TBX5: variants seen among roughly 807,000 people sequenced by gnomAD.
TBX5 encodes the protein T-box transcription factor TBX5.
A neutral mutation model predicts 51.1 loss-of-function variants in TBX5; 8 were observed. That is an observed-to-expected ratio of 0.16 (90% CI 0.09 to 0.28). The LOEUF (loss-of-function observed/expected upper bound fraction) is 0.28. TBX5 is among the 10% of genes least tolerant of loss of function. TBX5 has a pLI of 1.00. For missense variants in TBX5, 589 were observed against 671.7 expected, an observed-to-expected ratio of 0.88 and a Z score of 1.36; for synonymous variants, 302 against 266.4, an observed-to-expected ratio of 1.13 and a Z score of -1.30.
intron 8 of TBX5, among the ~76,000 whole-genome samples, chr12:114,357,214 G>C (rs977090241): frequency 6.6e-6 from 1 of 152,144 alleles, no homozygotes; most frequent in African/African-American, 2.4e-5. Context: ...TCCTAGTGTA[G>C]GGAAGTGGAG....
chr12:114,384,247 A>G lies in TBX5; in HGVS notation c.755+1229T>C, dbSNP rs1870668246. Among the ~76,000 whole-genome samples the G allele has an allele frequency of 2.7e-5, 4 of 148,092 alleles. No individual in the cohort carries two copies. In the South Asian group the frequency reaches 8.9e-4, roughly 33 times the overall value. The stretch of plus-strand genomic sequence containing the variant: ...ATGTACCACACTCCTTGTTTTTTTA[A>G]TGTTTGGAAACAGGGTCATTCTCTT... On this transcript the variant is annotated intron_variant, in intron 7 of 8. Transcript: ENST00000405440.
At chr12:114,367,517 G>C (rs1384602482) in intron 7 of TBX5, among the ~76,000 whole-genome samples, 1 of 152,162 alleles carries the variant, frequency 6.6e-6, no homozygotes, top group Non-Finnish European at 1.5e-5. Context: ...TTTCATACCA[G>C]GTGTTCCCAT....
chr12:114,394,480 GCCCATC>G (rs1871313660), intron 6 of TBX5, among the ~76,000 whole-genome samples: 1 of 152,158 alleles, frequency 6.6e-6, no homozygotes, highest in African/African-American at 2.4e-5. Context: ...TGAGTGTGTG[GCCCATC>G]TATGGTTTGA....
At chr12:114,394,048 T>G (rs963536901) in intron 6 of TBX5, among the ~76,000 whole-genome samples, 3 of 152,232 alleles carry the variant, frequency 2.0e-5, no homozygotes, top group African/African-American at 4.8e-5. Context: ...GGCTCATGCC[T>G]GTAATACCAA....
intron 8 of TBX5, among the ~76,000 whole-genome samples, chr12:114,356,990 C>CGATGGATGGATGGATGGATGGATG (rs60572224): frequency 7.0e-6 from 1 of 143,202 alleles, no homozygotes; most frequent in African/African-American, 2.5e-5. Flanking sequence ...AATATTTGTA[C>CGATGGATGGATGGATGGATGGATG]GATGGATGGA....
intron 6 of TBX5, among the ~76,000 whole-genome samples, chr12:114,391,382 A>G (rs1409746742): frequency 6.6e-6 from 1 of 152,190 alleles, no homozygotes; most frequent in African/African-American, 2.4e-5. Context: ...GTAAACAAAG[A>G]GTTTTCCGAA....
chr12:114,402,006 G>T (rs183169006), intron 2 of TBX5, 86 bp from the exon 3 acceptor site: 3 of 1,175,984 alleles, frequency 2.6e-6, no homozygotes, highest in Non-Finnish European at 3.8e-6. Flanking sequence ...CACAGAGACT[G>T]CTCCTCCTTC....
At chr12:114,395,552 G>T (rs766751889) in intron 5 of TBX5, among the ~76,000 whole-genome samples, 1 of 152,092 alleles carries the variant, frequency 6.6e-6, no homozygotes, top group South Asian at 2.1e-4. Flanking sequence ...CAAGGATGTC[G>T]GCTCATAAGG....
chr12:114,398,844 A>C (rs187690637), intron 4 of TBX5, 124 bp from the exon 5 acceptor site: 7 of 1,226,120 alleles, frequency 5.7e-6, no homozygotes, highest in Non-Finnish European at 8.1e-6. Context: ...AATAATCTGG[A>C]GGCTCTCCCG....
chr12:114,369,470 C>A (rs974675602), intron 7 of TBX5, among the ~76,000 whole-genome samples: 2 of 152,212 alleles, frequency 1.3e-5, no homozygotes, highest in African/African-American at 4.8e-5. Flanking sequence ...ACGATGTCCC[C>A]AAACCCCTCT....
At chr12:114,386,636 A>G (rs1348559415) in intron 6 of TBX5, among the ~76,000 whole-genome samples, 2 of 152,212 alleles carry the variant, frequency 1.3e-5, no homozygotes, top group Non-Finnish European at 2.9e-5. Context: ...CTTGCTACTC[A>G]ATAAGAAGAA....
At chr12:114,403,963 G>C in intron 1 of TBX5, 27 bp from the exon 2 acceptor site, 1 of 1,584,224 alleles carries the variant, frequency 6.3e-7, no homozygotes, top group Non-Finnish European at 8.5e-7. Context: ...GGGGGAGATG[G>C]GGGTGGGGAG....
chr12:114,403,600 A>G, intron 2 of TBX5, 152 bp downstream of exon 2: 1 of 1,207,972 alleles, frequency 8.3e-7, no homozygotes, highest in South Asian at 1.5e-5. Flanking sequence ...CTGAGTGGGA[A>G]TAAAAAGGAA....
chr12:114,398,250 T>C (rs2136416040), intron 5 of TBX5, among the ~76,000 whole-genome samples: 1 of 151,576 alleles, frequency 6.6e-6, no homozygotes, highest in African/African-American at 2.4e-5. Flanking sequence ...CCGGGAGGAC[T>C]GCAGAGGGGC....
At chr12:114,395,034 G>T (rs1311791227) in intron 5 of TBX5, 141 bp from the exon 6 acceptor site, 5 of 824,132 alleles carry the variant, frequency 6.1e-6, no homozygotes, top group Non-Finnish European at 7.7e-6. Flanking sequence ...TTTTGAAAAG[G>T]GGCCAGGGAT....
rs758752836 is a variant in TBX5 at position 114,366,233 on chromosome 12, A to G, written c.914T>C (p.Leu305Pro). 1.2e-6 allele frequency: 2 copies of G among 1,614,126 alleles called. No homozygotes were observed. The highest frequency in any genetic ancestry group is 1.7e-5 in the Admixed American group (1 of 60,014). The change falls in exon 8 of 9, where the codon CTG (leucine) becomes CCG (proline). Residue 305 changes from leucine to proline, a missense_variant. This residue lies in a region of TBX5 where 348 missense variants were observed against 360.4 expected (regional missense o/e 0.97). Transcript: ENST00000405440. ...CAGTGGGTATGGGTTGGGTGGAGGCAGGAGGTCCTGGGAGGGGCCGGAAAC... is the reference window on the plus strand; with the variant it reads ...CAGTGGGTATGGGTTGGGTGGAGGCGGGAGGTCCTGGGAGGGGCCGGAAAC... The part of the protein sequence containing the change: ...NGVSGPSQDL[L>P]PPPNPYPLPQ...
At chr12:114,392,820 G>C (rs1161469451) in intron 6 of TBX5, among the ~76,000 whole-genome samples, 1 of 152,200 alleles carries the variant, frequency 6.6e-6, no homozygotes, top group Non-Finnish European at 1.5e-5. Flanking sequence ...AAATTGGCCT[G>C]AAATAGTTTT....
intron 7 of TBX5, among the ~76,000 whole-genome samples, chr12:114,381,919 G>A (rs537215146): frequency 6.6e-6 from 1 of 152,286 alleles, no homozygotes; most frequent in Admixed American, 6.5e-5. Flanking sequence ...AGGCTGAGAG[G>A]TTTGACTCAA....
chr12:114,372,981 TACACACACACACACACAC>T (rs56137685), intron 7 of TBX5, among the ~76,000 whole-genome samples: 74 of 142,848 alleles, frequency 5.2e-4, no homozygotes, highest in Admixed American at 1.7e-3. Context: ...TATATATACA[TACACACACACACACACAC>T]ACACACACAC....
Sources: allele counts gnomAD v4.1 joint callset (sites outside exome capture counted in the v4.1 genomes callset), GRCh38; gene constraint gnomAD v4.1.1; regional missense constraint gnomAD v4.1.1; transcripts MANE v1.5; gene names NCBI Gene and HGNC (gene_info 2026-07-23, HGNC 2026-07-21).